ZFYVE28: variants seen among roughly 807,000 people sequenced by gnomAD.
ZFYVE28 encodes the protein zinc finger FYVE-type containing 28, also known as lateral signaling target protein 2 homolog.
Under a neutral mutation model 82.1 loss-of-function variants are expected in ZFYVE28, and 40 were observed. That is an observed-to-expected ratio of 0.49 (90% confidence interval 0.38 to 0.63). The LOEUF is 0.63. ZFYVE28 is among the 30% of genes least tolerant of loss of function. The pLI, the probability that ZFYVE28 is intolerant of heterozygous loss-of-function variation, is 0.00. For missense variants in ZFYVE28, 1,321 were observed against 1,242.1 expected (o/e 1.06, Z -0.96); for synonymous variants, 612 against 546.1 (o/e 1.12, Z -1.68).
At chr4:2,352,676 A>T (rs1274079356) in intron 2 of ZFYVE28, among the ~76,000 whole-genome samples, 1 of 152,108 alleles carries the variant, frequency 6.6e-6, no homozygotes, top group Non-Finnish European at 1.5e-5. Flanking sequence ...TCTCACGGTG[A>T]TACATCCCAA....
chr4:2,337,022 G>GAGGGGGTGAGGAGTT (rs1578150538), intron 5 of ZFYVE28, among the ~76,000 whole-genome samples: 43 of 143,438 alleles, frequency 3.0e-4, no homozygotes, highest in Non-Finnish European at 3.6e-4. Context: ...GGTGAGGAGT[G>GAGGGGGTGAGGAGTT]AGGACATGAG....
At chr4:2,355,381 A>G (rs1725164908) in intron 1 of ZFYVE28, among the ~76,000 whole-genome samples, 1 of 142,382 alleles carries the variant, frequency 7.0e-6, no homozygotes, top group Non-Finnish European at 1.5e-5. Flanking sequence ...TCCTGGGTTC[A>G]AGCGATTCTC....
At chr4:2,340,543 G>C (rs561984110) in intron 3 of ZFYVE28, among the ~76,000 whole-genome samples, 4 of 152,304 alleles carry the variant, frequency 2.6e-5, no homozygotes, top group African/African-American at 9.6e-5. Context: ...GGCGCTGATC[G>C]CCCAGGCCCA....
At chr4:2,391,331 G>C (rs925984394) in intron 1 of ZFYVE28, among the ~76,000 whole-genome samples, 1 of 152,030 alleles carries the variant, frequency 6.6e-6, no homozygotes, top group African/African-American at 2.4e-5. Context: ...TGTGGCGGAA[G>C]AGCCTCGTTC....
At chr4:2,297,537 T>G (rs1322228832) in intron 8 of ZFYVE28, among the ~76,000 whole-genome samples, 1 of 152,176 alleles carries the variant, frequency 6.6e-6, no homozygotes, top group East Asian at 1.9e-4. Flanking sequence ...CCACCCGGGA[T>G]AGCTGTCACC....
Position 2,372,978 on chromosome 4 carries a change from A to T in ZFYVE28, c.40-18905T>A, listed in dbSNP as rs1292868587. On this transcript the variant is annotated intron_variant, in intron 1 of 12. Transcript: ENST00000290974. The surrounding 1 kb of genome is among the most constrained non-coding windows in gnomAD (Gnocchi z 5.2). ...AGAAGACCACCACGTCTCTGGGCAG[A>T]CACTCGGGGTACCCTTACCCTATGC... 6.6e-6 allele frequency among the ~76,000 whole-genome samples: 1 copy of T among 152,100 alleles called. No individual in the cohort carries two copies. The highest frequency in any genetic ancestry group is 2.4e-5 in the African/African-American group (1 of 41,404).
At chr4:2,375,838 CA>C (rs1283104165) in intron 1 of ZFYVE28, among the ~76,000 whole-genome samples, 1 of 152,128 alleles carries the variant, frequency 6.6e-6, no homozygotes, top group African/African-American at 2.4e-5. Flanking sequence ...TCATAGTTTT[CA>C]TATTGATTAT....
intron 1 of ZFYVE28, among the ~76,000 whole-genome samples, chr4:2,361,528 C>A (rs946329905): frequency 1.3e-5 from 2 of 152,194 alleles, no homozygotes; most frequent in Admixed American, 6.5e-5. Flanking sequence ...ACACGCACTA[C>A]CCCACCCACT....
chr4:2,329,133 T>C (rs1029473866), intron 6 of ZFYVE28: 2 of 698,160 alleles, frequency 2.9e-6, no homozygotes, highest in Non-Finnish European at 5.2e-6. Context: ...TTAGAACACC[T>C]TTTCCATTTC....
intron 1 of ZFYVE28, among the ~76,000 whole-genome samples, chr4:2,406,047 C>CAAA (rs766149952): frequency 1.1e-5 from 1 of 90,474 alleles, no homozygotes; most frequent in Non-Finnish European, 2.1e-5. Flanking sequence ...GATTCTGTCT[C>CAAA]AAAAAAAAAA....
chr4:2,330,876 T>C (rs1226486606), intron 6 of ZFYVE28: 1 of 1,533,952 alleles, frequency 6.5e-7, no homozygotes. Context: ...GTGGGCACGG[T>C]GCAGGCAGAT....
At chr4:2,337,333 C>A in intron 5 of ZFYVE28, 74 bp downstream of exon 5, 1 of 1,391,618 alleles carries the variant, frequency 7.2e-7, no homozygotes, top group Admixed American at 2.1e-5. Context: ...CAGAGCTGCC[C>A]TCTGCCCCGG....
intron 1 of ZFYVE28, among the ~76,000 whole-genome samples, chr4:2,393,191 G>A (rs1317649742): frequency 6.6e-6 from 1 of 152,222 alleles, no homozygotes; most frequent in African/African-American, 2.4e-5. Context: ...GTTGCTGGTG[G>A]CACCTGAAAT....
chr4:2,292,246 C>A (rs1267575630), intron 8 of ZFYVE28, among the ~76,000 whole-genome samples: 1 of 152,170 alleles, frequency 6.6e-6, no homozygotes, highest in African/African-American at 2.4e-5. Context: ...GAGATGCCCA[C>A]CTTGAAGGCA....
chr4:2,399,081 T>TG (rs1382438625), intron 1 of ZFYVE28, among the ~76,000 whole-genome samples: 36,874 of 91,888 alleles, frequency 0.4, 12,125 homozygotes, highest in Admixed American at 0.53. Flanking sequence ...GGCACAAGCG[T>TG]GAAGGTGAGA....
chr4:2,364,340 A>C (rs935481611), intron 1 of ZFYVE28: 1 of 664,568 alleles, frequency 1.5e-6, no homozygotes, highest in Non-Finnish European at 1.9e-6. Flanking sequence ...CCTGACCTGG[A>C]ACCACAGGTG....
At chr4:2,308,673 GAAAGAGAA>G (rs1249383767) in intron 7 of ZFYVE28, among the ~76,000 whole-genome samples, 2 of 89,922 alleles carry the variant, frequency 2.2e-5, no homozygotes, top group Non-Finnish European at 4.5e-5. Context: ...AAGAAAGAAA[GAAAGAGAA>G]AGAAAGAAAA....
At position 2,417,628 on chromosome 4, in the gene ZFYVE28, G is replaced by C. The variant is rs562384075; in HGVS notation, c.39+657C>G. 9.9e-4 allele frequency among the ~76,000 whole-genome samples: 150 copies of C among 152,266 alleles called. No homozygotes were observed. The highest frequency in any genetic ancestry group is 3.5e-3 in the African/African-American group (145 of 41,572). The stretch of plus-strand genomic sequence containing the variant: ...GGAAGGGACAAGGATAGGGACAAGG[G>C]AGGGGACGCGAACTGGGCCGAGGTG... On this transcript the variant is annotated intron_variant, in intron 1 of 12. Coordinates refer to ENST00000290974, the MANE Select transcript of ZFYVE28 (RefSeq NM_020972.3). The surrounding 1 kb of genome is among the most constrained non-coding windows in gnomAD (Gnocchi z 4.8).
At chr4:2,348,250 C>G (rs1354272875) in intron 2 of ZFYVE28, among the ~76,000 whole-genome samples, 1 of 152,108 alleles carries the variant, frequency 6.6e-6, no homozygotes, top group Non-Finnish European at 1.5e-5. Context: ...AAATCTCTCT[C>G]AAGAAGAAAT....
Sources: gnomAD v4.1 joint callset for allele counts (sites outside exome capture counted in the v4.1 genomes callset) on GRCh38, gnomAD v4.1.1 for gene constraint, Gnocchi (gnomAD v3.1) non-coding constraint, MANE v1.5 for transcripts, NCBI Gene and HGNC (gene_info 2026-07-23, HGNC 2026-07-21) for gene names.